Variants in SYNGR1 observed in about 807,000 individuals in gnomAD.
SYNGR1 encodes the protein synaptogyrin 1.
In SYNGR1, 14 loss-of-function variants were observed where a neutral mutation model predicts 26.1. The observed-to-expected ratio is 0.54, with a 90% CI of 0.35 to 0.84. SYNGR1 has a LOEUF of 0.84. Ranked by LOEUF, SYNGR1 falls within the 40% of genes least tolerant of loss-of-function variation. SYNGR1 has a pLI of 0.01. For synonymous variants in SYNGR1, 141 were observed against 150.1 expected (o/e 0.94, Z 0.44); for missense variants, 319 against 332.9 (o/e 0.96, Z 0.33).
chr22:39,375,979 C>T (rs1925262579), intron 2 of SYNGR1, 73 bp from the exon 3 acceptor site: 1 of 1,599,482 alleles, frequency 6.3e-7, no homozygotes, highest in African/African-American at 1.3e-5. Context: ...CCTCGGCTTC[C>T]CCATTTTCTC....
rs113560158 is a variant in SYNGR1, at chr22:39,355,711, G to C, written c.99+5602G>C. ...GAGGGCCTGGGTTTGGGGAGGCCTC[G>C]AGAGTTTATAAAAATGCAAATTTTG... On this transcript the variant is annotated intron_variant, in intron 1 of 3. Coordinates refer to ENST00000328933, the MANE Select transcript of SYNGR1 (RefSeq NM_004711.5). 2.2e-3 allele frequency among the ~76,000 whole-genome samples: 333 copies of C among 152,294 alleles called. 2 individuals are homozygous for C. The highest frequency in any genetic ancestry group is 7.7e-3 in the African/African-American group (322 of 41,572).
At chr22:39,377,960 G>C (rs1483862387) in intron 3 of SYNGR1, 3 of 1,293,300 alleles carry the variant, frequency 2.3e-6, no homozygotes, top group Non-Finnish European at 3.0e-6. Context: ...GGCTCCAGGA[G>C]CCCACAGGCT....
rs777416803 is a variant in SYNGR1, at chr22:39,365,988, C to CTTTTTT, written c.100-8306_100-8301dup. ...CGTGAGCCACCGCGCTCAGCCCCTT[C>CTTTTTT]TTTTTTTTTTTTTTTTTTTTTTTTT... On this transcript the variant is annotated intron_variant, in intron 1 of 3. Transcript: ENST00000328933. 8.8e-5 allele frequency among the ~76,000 whole-genome samples: 6 copies of CTTTTTT among 68,380 alleles called. 1 individual carries two copies. The East Asian group carries it at 3.9e-3, about 45-fold the overall frequency. 44.9% of individuals were successfully genotyped at this position (68,380 alleles called of 152,430 possible).
In SYNGR1 at chr22:39,376,947, C is replaced by T. The variant is rs1017512136; in HGVS notation, c.483+750C>T. On this transcript the variant is annotated intron_variant, in intron 3 of 3. Coordinates refer to ENST00000328933, the MANE Select transcript of SYNGR1 (RefSeq NM_004711.5). ...CCCAGCAGGCCCTGGGCTGGCAGCTCGGCTGGCCCCTCTTTCCCACTGGTC... is the reference window on the plus strand; with the variant it reads ...CCCAGCAGGCCCTGGGCTGGCAGCTTGGCTGGCCCCTCTTTCCCACTGGTC... 8.4e-6 allele frequency: 13 copies of T among 1,546,708 alleles called. No individual in the cohort carries two copies. In the Middle Eastern group the frequency reaches 5.0e-4, roughly 59 times the overall value.
rs551177585 is a variant in SYNGR1, at chr22:39,375,784, C to T, written c.338-268C>T. The T allele has an allele frequency of 2.4e-4, 146 of 611,026 alleles. 1 individual carries two copies. Among genetic ancestry groups the T allele is most frequent in the Non-Finnish European group, 3.0e-4 (102 of 338,072 alleles). The allele number at this position is 611,026 out of a possible 1,614,324, so 37.9% of individuals were successfully genotyped here. A position where few individuals can be genotyped will look rare whatever the true frequency, so the allele number is the denominator to read the frequency against. On this transcript the variant is annotated intron_variant, in intron 2 of 3. Transcript: ENST00000328933. ...CCCTCCATCCTCCCCTCTCACTGCC[C>T]GTGGCTCTCCTCTGACTGGCCCTGA... is the stretch of plus-strand genomic sequence containing the variant.
chr22:39,379,647 A>AG (rs1925433043), intron 3 of SYNGR1: 1 of 150,606 alleles, frequency 6.6e-6, no homozygotes, highest in African/African-American at 2.4e-5. Context: ...AAAAAAAAGA[A>AG]AAAAAAAAAG....
intron 1 of SYNGR1, among the ~76,000 whole-genome samples, chr22:39,360,517 C>T (rs558915722): frequency 1.2e-4 from 19 of 152,288 alleles, no homozygotes; most frequent in South Asian, 4.1e-4. Flanking sequence ...GTCTGGCAGC[C>T]GTGAGGGGTT....
At chr22:39,377,573 C>T in intron 3 of SYNGR1, 1 of 1,611,444 alleles carries the variant, frequency 6.2e-7, no homozygotes, top group South Asian at 1.1e-5. Context: ...TCCCCACTGG[C>T]CTCACCCCTA....
At chr22:39,351,774 C>T (rs1569172517) in intron 1 of SYNGR1, among the ~76,000 whole-genome samples, 1 of 152,244 alleles carries the variant, frequency 6.6e-6, no homozygotes, top group Non-Finnish European at 1.5e-5. Context: ...CCCTTGTTCT[C>T]GGGAAGCCAC....
chr22:39,350,260 G>A lies in SYNGR1; in HGVS notation c.99+151G>A, dbSNP rs1923838566. The A allele has an allele frequency of 5.2e-6, 2 of 381,692 alleles. No individual in the cohort carries two copies. Among genetic ancestry groups the A allele is most frequent in the Non-Finnish European group, 4.0e-6 (1 of 249,088 alleles). The allele number at this position is 381,692 out of a possible 1,614,324, so 23.6% of individuals were successfully genotyped here. ...AGGAGCTGTCCTGCCTGCGGGGCCC[G>A]CTGCCGCCGCTCCTCCTTCCCGGGC... On this transcript the variant is annotated intron_variant, in intron 1 of 3. Transcript: ENST00000328933. The surrounding 1 kb of genome is among the most constrained non-coding windows in gnomAD (Gnocchi z 4.3).
At chr22:39,358,329 A>G (rs1050312832) in intron 1 of SYNGR1, among the ~76,000 whole-genome samples, 4 of 152,204 alleles carry the variant, frequency 2.6e-5, no homozygotes, top group Admixed American at 2.0e-4. Flanking sequence ...GGCTCTACCA[A>G]TCAGCAGGAT....
At chr22:39,357,122 G>A (rs1011313100) in intron 1 of SYNGR1, among the ~76,000 whole-genome samples, 1 of 152,114 alleles carries the variant, frequency 6.6e-6, no homozygotes, top group East Asian at 1.9e-4. Flanking sequence ...GCCGGGTGTG[G>A]TGGTGCCTAG....
chr22:39,376,015 G>T, intron 2 of SYNGR1, 37 bp from the exon 3 acceptor site: 2 of 1,614,002 alleles, frequency 1.2e-6, no homozygotes, highest in Non-Finnish European at 1.7e-6. Context: ...CCCCATGTGT[G>T]GCACTGCCTA....
At chr22:39,377,817 A>G in intron 3 of SYNGR1, 1 of 1,529,278 alleles carries the variant, frequency 6.5e-7, no homozygotes, top group Non-Finnish European at 8.8e-7. Flanking sequence ...GGCTTGAGGA[A>G]CCAATTCAGG....
intron 2 of SYNGR1, chr22:39,374,801 T>C (rs1925200961): frequency 1.8e-6 from 1 of 569,372 alleles, no homozygotes; most frequent in Non-Finnish European, 3.2e-6. Flanking sequence ...TTCCTTCTAG[T>C]CTAAGGGACC....
rs1272602456 is a variant in SYNGR1 at position 39,385,382 on chromosome 22, T to TGTGCGTGTGTGTGC, written c.*3470_*3483dup. On this transcript the variant is annotated 3_prime_UTR_variant, in exon 4 of 4. Coordinates refer to ENST00000328933, the MANE Select transcript of SYNGR1 (RefSeq NM_004711.5). The stretch of plus-strand genomic sequence containing the variant: ...CTCCACAAATATATCTGTGTGTGTG[T>TGTGCGTGTGTGTGC]GTGCGTGTGTGTGCGGTGAAGGGCG... 6.5e-6 allele frequency: 1 copy of TGTGCGTGTGTGTGC among 153,044 alleles called. No homozygotes were observed. The highest frequency in any genetic ancestry group is 2.4e-5 in the African/African-American group (1 of 41,468). The allele number at this position is 153,044 out of a possible 1,614,324, so 9.5% of individuals were successfully genotyped here.
At chr22:39,369,815 T>C (rs1237574531) in intron 1 of SYNGR1, among the ~76,000 whole-genome samples, 5 of 152,272 alleles carry the variant, frequency 3.3e-5, no homozygotes, top group African/African-American at 1.2e-4. Flanking sequence ...TCATGGGGTT[T>C]TCCCAAATCA....
chr22:39,381,259 CGTA>C (rs1569184274), intron 3 of SYNGR1, among the ~76,000 whole-genome samples: 1 of 152,174 alleles, frequency 6.6e-6, no homozygotes, highest in African/African-American at 2.4e-5. Flanking sequence ...TTGGCCAAAA[CGTA>C]GTCACATGGC....
chr22:39,374,946 G>A (rs1925210746), intron 2 of SYNGR1: 1 of 303,430 alleles, frequency 3.3e-6, no homozygotes, highest in Admixed American at 4.8e-5. Context: ...CACAGCAGGG[G>A]CCCTGGAGCC....
Sources: gnomAD v4.1 joint callset for allele counts (sites outside exome capture counted in the v4.1 genomes callset) on GRCh38, gnomAD v4.1.1 for gene constraint, Gnocchi (gnomAD v3.1) non-coding constraint, MANE v1.5 for transcripts, NCBI Gene and HGNC (gene_info 2026-07-23, HGNC 2026-07-21) for gene names.